SEMA6D: variants seen among roughly 807,000 people sequenced by gnomAD.
The protein encoded by SEMA6D is semaphorin-6D.
In SEMA6D, 35 loss-of-function variants were observed where a neutral mutation model predicts 106.6. The ratio of observed to expected loss-of-function variants is 0.33; its 90% CI spans 0.25 to 0.44. SEMA6D has a LOEUF of 0.44. Ranked by LOEUF, SEMA6D falls within the 20% of genes least tolerant of loss-of-function variation. The pLI, the probability that SEMA6D is intolerant of heterozygous loss-of-function variation, is 1.00. For synonymous variants in SEMA6D, 499 were observed against 487.7 expected, an observed-to-expected ratio of 1.02 and a Z score of -0.31; for missense variants, 1,185 against 1,345.9, an observed-to-expected ratio of 0.88 and a Z score of 1.87.
chr15:47,277,282 C>A (rs921409608), intron 1 of SEMA6D, among the ~76,000 whole-genome samples: 9 of 152,092 alleles, frequency 5.9e-5, no homozygotes, highest in African/African-American at 2.2e-4. Context: ...AAGATTGACT[C>A]CAATTTTGAA....
At chr15:47,196,026 T>TC (rs1348235888) in intron 1 of SEMA6D, among the ~76,000 whole-genome samples, 24 of 1,608 alleles carry the variant, frequency 0.015, no homozygotes, top group Non-Finnish European at 0.033. Flanking sequence ...AAGTTTCAGA[T>TC]TTTTTTTTTT....
At chr15:47,620,683 T>C (rs553911515) in intron 4 of SEMA6D, among the ~76,000 whole-genome samples, 24 of 148,924 alleles carry the variant, frequency 1.6e-4, no homozygotes, top group Non-Finnish European at 2.5e-4. Context: ...GGGGTTTCAC[T>C]TGCCTTTAAA....
intron 1 of SEMA6D, among the ~76,000 whole-genome samples, chr15:47,271,554 G>T (rs1482326218): frequency 6.6e-6 from 1 of 152,138 alleles, no homozygotes; most frequent in Non-Finnish European, 1.5e-5. Flanking sequence ...GCTCAGAGAA[G>T]ATAATAAACA....
At chr15:47,240,788 C>G (rs1394928937) in intron 1 of SEMA6D, among the ~76,000 whole-genome samples, 2 of 152,064 alleles carry the variant, frequency 1.3e-5, no homozygotes, top group Non-Finnish European at 2.9e-5. Flanking sequence ...ATTGATTAGT[C>G]AAGGCCAAAC....
intron 1 of SEMA6D, among the ~76,000 whole-genome samples, chr15:47,285,527 C>T (rs1448161981): frequency 6.6e-6 from 1 of 151,938 alleles, no homozygotes; most frequent in Admixed American, 6.6e-5. Context: ...ACTACAGGGA[C>T]AGACCCTGAA....
chr15:47,339,902 AAGAG>A (rs1180445887), intron 1 of SEMA6D, among the ~76,000 whole-genome samples: 5 of 151,670 alleles, frequency 3.3e-5, no homozygotes, highest in Admixed American at 6.6e-5. Context: ...GAAAAAGAGA[AAGAG>A]AGAGGAAGAA....
At chr15:47,198,041 G>A (rs540722143) in intron 1 of SEMA6D, among the ~76,000 whole-genome samples, 1 of 152,164 alleles carries the variant, frequency 6.6e-6, no homozygotes, top group South Asian at 2.1e-4. Flanking sequence ...CATCTGAGTT[G>A]TTGCAAATTA....
intron 1 of SEMA6D, among the ~76,000 whole-genome samples, chr15:47,206,060 A>C (rs1394601426): frequency 6.6e-6 from 1 of 152,122 alleles, no homozygotes; most frequent in African/African-American, 2.4e-5. Flanking sequence ...AGTTTCCTTC[A>C]TTTCAACATC....
chr15:47,710,929 C>T (rs1467620004), intron 4 of SEMA6D, among the ~76,000 whole-genome samples: 1 of 152,090 alleles, frequency 6.6e-6, no homozygotes. Context: ...AGGAACATAC[C>T]CTAGCAATTG....
intron 1 of SEMA6D, among the ~76,000 whole-genome samples, chr15:47,265,137 G>T (rs186583067): frequency 1.3e-4 from 19 of 151,998 alleles, no homozygotes; most frequent in African/African-American, 4.6e-4. Context: ...GAGTTAGCTG[G>T]GATGTGTTCT....
At chr15:47,541,624 A>G (rs934461974) in intron 3 of SEMA6D, among the ~76,000 whole-genome samples, 14 of 152,200 alleles carry the variant, frequency 9.2e-5, no homozygotes, top group African/African-American at 2.4e-4. Flanking sequence ...AGAGATGTCC[A>G]TGGTCTTTCC....
intron 3 of SEMA6D, among the ~76,000 whole-genome samples, chr15:47,522,391 A>G (rs1477679553): frequency 6.6e-6 from 1 of 152,120 alleles, no homozygotes; most frequent in Non-Finnish European, 1.5e-5. Context: ...TATAAATCAT[A>G]TGTCTTATTT....
intron 1 of SEMA6D, among the ~76,000 whole-genome samples, chr15:47,213,617 G>C (rs1011107657): frequency 6.6e-6 from 1 of 152,092 alleles, no homozygotes; most frequent in South Asian, 2.1e-4. Flanking sequence ...TTTTTGATTT[G>C]AAAACTCTTA....
chr15:47,647,731 A>G (rs1021264287), intron 4 of SEMA6D, among the ~76,000 whole-genome samples: 16 of 152,150 alleles, frequency 1.1e-4, no homozygotes, highest in Non-Finnish European at 2.1e-4. Context: ...AAAAAAAAAA[A>G]AAAATCAGCA....
chr15:47,230,098 CT>C (rs1253125068), intron 1 of SEMA6D, among the ~76,000 whole-genome samples: 1 of 151,864 alleles, frequency 6.6e-6, no homozygotes, highest in Admixed American at 6.6e-5. Context: ...TACTTCAGGC[CT>C]CTCTTAGAAA....
chr15:47,339,050 C>T (rs897003171), intron 1 of SEMA6D: 94 of 152,252 alleles, frequency 6.2e-4, no homozygotes, highest in African/African-American at 2.2e-3. Flanking sequence ...GTAATGCAGC[C>T]TTCATAAAAA....
chr15:47,191,527 T>C (rs1798585447), intron 1 of SEMA6D, among the ~76,000 whole-genome samples: 1 of 152,176 alleles, frequency 6.6e-6, no homozygotes, highest in African/African-American at 2.4e-5. Flanking sequence ...ATAAGGAAAT[T>C]TATCTTTTGA....
intron 1 of SEMA6D, among the ~76,000 whole-genome samples, chr15:47,247,151 A>C (rs771310578): frequency 6.6e-6 from 1 of 152,208 alleles, no homozygotes; most frequent in Non-Finnish European, 1.5e-5. Flanking sequence ...AGTGTGTATC[A>C]TCTAACTAGG....
chr15:47,434,534 A>G (rs534395208), intron 2 of SEMA6D, among the ~76,000 whole-genome samples: 2 of 152,192 alleles, frequency 1.3e-5, no homozygotes, highest in South Asian at 2.1e-4. Context: ...GGAAGCTTCC[A>G]TGATCAGTGA....
Sources: allele counts gnomAD v4.1 joint callset (sites outside exome capture counted in the v4.1 genomes callset), GRCh38; gene constraint gnomAD v4.1.1; transcripts MANE v1.5; gene names NCBI Gene and HGNC (gene_info 2026-07-23, HGNC 2026-07-21).